MCRIP1: variants seen among roughly 807,000 people sequenced by gnomAD.
The protein encoded by MCRIP1 is mapk-regulated corepressor-interacting protein 1.
In MCRIP1, 10 loss-of-function variants were observed where a neutral mutation model predicts 14.4. That is an observed-to-expected ratio of 0.70 (90% CI 0.43 to 1.18). The LOEUF is 1.18. Among genes scored for constraint, MCRIP1 ranks in the 50% most tolerant of loss-of-function variants. The probability of loss-of-function intolerance (pLI) is 0.00; values close to 1 mark genes in which losing one functional copy is unlikely to be tolerated. For synonymous variants in MCRIP1, 53 were observed against 55.7 expected (o/e 0.95, Z 0.21); for missense variants, 119 against 135.4 (o/e 0.88, Z 0.60).
intron 1 of MCRIP1, chr17:81,825,561 ACTGAGG>A (rs1310154525): frequency 1.6e-6 from 2 of 1,287,852 alleles, no homozygotes; most frequent in African/African-American, 3.0e-5. Context: ...GGCCAGGAGC[ACTGAGG>A]CTTCGAGTCC....
At chr17:81,828,814 G>A (rs760000034) in intron 1 of MCRIP1, among the ~76,000 whole-genome samples, 1 of 152,192 alleles carries the variant, frequency 6.6e-6, no homozygotes, top group Non-Finnish European at 1.5e-5. Context: ...TCCACGGAGA[G>A]GGCTGGAGGT....
intron 1 of MCRIP1, among the ~76,000 whole-genome samples, chr17:81,832,696 C>T (rs1164098319): frequency 1.3e-5 from 2 of 152,286 alleles, no homozygotes; most frequent in Non-Finnish European, 2.9e-5. Flanking sequence ...ACAACCACCG[C>T]CCAGTGAGTG....
At position 81,823,197 on chromosome 17, in the gene MCRIP1, G is replaced by C. The variant is rs1017601091; in HGVS notation, c.*50C>G. 6 of 1,518,100 alleles carry C rather than the reference G, an allele frequency of 4.0e-6. No individual in the cohort carries two copies. Among genetic ancestry groups the C allele is most frequent in the Admixed American group, 3.9e-5 (2 of 50,960 alleles). 94.0% of individuals were successfully genotyped at this position (1,518,100 alleles called of 1,614,324 possible). A position where few individuals can be genotyped will look rare whatever the true frequency, so the allele number is the denominator to read the frequency against. On this transcript the variant is annotated 3_prime_UTR_variant, in exon 5 of 5. Transcript: ENST00000455127. The surrounding 1 kb of genome is among the most constrained non-coding windows in gnomAD (Gnocchi z 6.0). ...CAGGACCACAGGACAGGAGGGAACCGACACCTCGCACCCTGATCTTCCGGA... is the reference window on the plus strand; with the variant it reads ...CAGGACCACAGGACAGGAGGGAACCCACACCTCGCACCCTGATCTTCCGGA...
chr17:81,827,630 T>C (rs1483380849), intron 1 of MCRIP1, among the ~76,000 whole-genome samples: 1 of 151,324 alleles, frequency 6.6e-6, no homozygotes, highest in Non-Finnish European at 1.5e-5. Flanking sequence ...GCTGAGGTGG[T>C]AGGATTGCTT....
At position 81,824,220 on chromosome 17, in the gene MCRIP1, C is replaced by T. The variant is rs1028888104; in HGVS notation, c.127+67G>A. The T allele has an allele frequency of 1.9e-5, 25 of 1,331,210 alleles. 1 individual carries two copies. Among genetic ancestry groups the T allele is most frequent in the Non-Finnish European group, 2.6e-5 (25 of 963,462 alleles). 82.5% of individuals were successfully genotyped at this position (1,331,210 alleles called of 1,614,324 possible). Reference sequence around the variant, plus strand: ...CAGGAGGTTCCTCGGAGCGTGGGTCCTGGGCTGGGGGCAGAGCTGACTCCG... The same window carrying T: ...CAGGAGGTTCCTCGGAGCGTGGGTCTTGGGCTGGGGGCAGAGCTGACTCCG... On this transcript the variant is annotated intron_variant, in intron 3 of 4. Transcript: ENST00000455127.
chr17:81,827,365 G>A (rs1449089124), intron 1 of MCRIP1, among the ~76,000 whole-genome samples: 2 of 151,350 alleles, frequency 1.3e-5, no homozygotes, highest in African/African-American at 4.9e-5. Context: ...TCCGCCTCCC[G>A]GGTTCACGCC....
At chr17:81,826,856 AC>A (rs2038412844) in intron 1 of MCRIP1, among the ~76,000 whole-genome samples, 1 of 145,064 alleles carries the variant, frequency 6.9e-6, no homozygotes, top group South Asian at 2.2e-4. Context: ...GTGGTGGCTC[AC>A]GCCTGTAATC....
intron 1 of MCRIP1, among the ~76,000 whole-genome samples, chr17:81,828,793 G>A (rs1006750370): frequency 1.3e-5 from 2 of 152,218 alleles, no homozygotes; most frequent in African/African-American, 4.8e-5. Context: ...TGTGAGGGCA[G>A]GAAGGAGCCA....
At chr17:81,827,821 T>C (rs899167794) in intron 1 of MCRIP1, among the ~76,000 whole-genome samples, 52 of 133,284 alleles carry the variant, frequency 3.9e-4, no homozygotes, top group Non-Finnish European at 7.1e-4. Flanking sequence ...CGCTCTGTCG[T>C]CCAGGGTGGA....
rs1193394850 is a variant in MCRIP1 at position 81,823,525 on chromosome 17, G to C, written c.128-12C>G. 3.3e-6 allele frequency: 5 copies of C among 1,535,438 alleles called. No homozygotes were observed. The Admixed American group carries it at 9.8e-5, about 30-fold the overall frequency. ...CACACCCTGCCAGGCTGCAGAGGCA[G>C]AGAGTGGTGTGCTCAGGGCCCCCTG... On this transcript the variant is annotated splice_polypyrimidine_tract_variant and intron_variant, in intron 3 of 4. Transcript: ENST00000455127. The surrounding 1 kb of genome is among the most constrained non-coding windows in gnomAD (Gnocchi z 6.0).
Position 81,830,474 on chromosome 17 carries a change from T to A in MCRIP1, c.-49+2764A>T, listed in dbSNP as rs563196706. 9.0e-4 allele frequency among the ~76,000 whole-genome samples: 135 copies of A among 149,670 alleles called. 1 individual carries two copies. Among genetic ancestry groups the A allele is most frequent in the Admixed American group, 3.0e-3 (45 of 15,014 alleles). On this transcript the variant is annotated intron_variant, in intron 1 of 4. Coordinates refer to ENST00000455127, the MANE Select transcript of MCRIP1 (RefSeq NM_207368.5). The stretch of plus-strand genomic sequence containing the variant: ...CAGCATGGTGAAACCCCGTCTCTAC[T>A]AAAAATACAAAAAGTAGCCAGGCGT...
At chr17:81,824,189 G>T in intron 3 of MCRIP1, 98 bp downstream of exon 3, 1 of 962,034 alleles carries the variant, frequency 1.0e-6, no homozygotes, top group Non-Finnish European at 1.6e-6. Flanking sequence ...GCAGGGGCAG[G>T]GGCCGCAGGA....
intron 1 of MCRIP1, 51 bp downstream of exon 1, chr17:81,833,187 G>GCCCGCCCCGC (rs940103592): frequency 2.0e-5 from 3 of 146,796 alleles, no homozygotes; most frequent in East Asian, 2.0e-4. Context: ...GCCCAGCCGC[G>GCCCGCCCCGC]CCCGCCCCGC....
chr17:81,824,784 C>T (rs1174985850), intron 1 of MCRIP1: 2 of 1,417,320 alleles, frequency 1.4e-6, no homozygotes, highest in Non-Finnish European at 1.8e-6. Context: ...CAGACACACA[C>T]ACAACTTGAA....
intron 1 of MCRIP1, chr17:81,826,067 G>A: frequency 6.9e-7 from 1 of 1,459,752 alleles, no homozygotes; most frequent in Non-Finnish European, 9.1e-7. Context: ...TTCTCCCCAT[G>A]CATCCTCTGC....
chr17:81,827,236 T>C (rs1002971234), intron 1 of MCRIP1, among the ~76,000 whole-genome samples: 13 of 152,114 alleles, frequency 8.5e-5, no homozygotes, highest in Non-Finnish European at 1.9e-4. Context: ...AAAACCAGCC[T>C]GGGCAACATG....
chr17:81,826,478 G>A (rs1256902701), intron 1 of MCRIP1: 6 of 1,024,090 alleles, frequency 5.9e-6, no homozygotes, highest in Middle Eastern at 2.1e-4. Context: ...AGCCAAGATC[G>A]TGGCACTGCA....
chr17:81,827,811 C>T (rs1358764169), intron 1 of MCRIP1, among the ~76,000 whole-genome samples: 2 of 137,228 alleles, frequency 1.5e-5, no homozygotes, highest in Non-Finnish European at 3.1e-5. Context: ...GATGGAGTCT[C>T]GCTCTGTCGT....
intron 3 of MCRIP1, 75 bp downstream of exon 3, chr17:81,824,212 C>T (rs972184850): frequency 3.3e-6 from 4 of 1,225,944 alleles, no homozygotes; most frequent in South Asian, 2.6e-5. Context: ...TTCCTCGGAG[C>T]GTGGGTCCTG....
Sources: gnomAD v4.1 joint callset for allele counts (sites outside exome capture counted in the v4.1 genomes callset) on GRCh38, gnomAD v4.1.1 for gene constraint, Gnocchi (gnomAD v3.1) non-coding constraint, MANE v1.5 for transcripts, NCBI Gene and HGNC (gene_info 2026-07-23, HGNC 2026-07-21) for gene names.